Variants in CRHR1 observed in about 807,000 individuals in gnomAD.
CRHR1 encodes corticotropin-releasing hormone receptor 1.
Under a neutral mutation model 56.0 loss-of-function variants are expected in CRHR1, and 28 were observed. That is an observed-to-expected ratio of 0.50 (90% confidence interval 0.37 to 0.69). The LOEUF is 0.69. Among genes scored for constraint, CRHR1 ranks in the 30% least tolerant of loss-of-function variants. CRHR1 has a pLI of 0.00. For synonymous variants in CRHR1, 195 were observed against 216.5 expected (o/e 0.90, Z 0.87); for missense variants, 376 against 548.0 (o/e 0.69, Z 3.13).
intron 1 of CRHR1, chr17:45,800,778 G>A (rs2061607403): frequency 6.6e-6 from 1 of 152,230 alleles, no homozygotes; most frequent in African/African-American, 2.4e-5. Flanking sequence ...CCCAAGCTGA[G>A]CATCAGTGCT....
At chr17:45,833,677 G>T in intron 10 of CRHR1, 37 bp from the exon 11 acceptor site, 1 of 1,602,220 alleles carries the variant, frequency 6.2e-7, no homozygotes, top group Non-Finnish European at 8.5e-7. Context: ...CCTGGGGTGG[G>T]CTGTGACTCC....
At chr17:45,788,473 G>T (rs2061373163) in intron 1 of CRHR1, among the ~76,000 whole-genome samples, 1 of 152,214 alleles carries the variant, frequency 6.6e-6, no homozygotes. Context: ...CCCCTTCCCA[G>T]CTCTGCTCAA....
chr17:45,807,067 G>A lies in CRHR1; in HGVS notation c.91G>A (p.Glu31Lys), dbSNP rs759607266. Residue 31 changes from glutamate to lysine, a missense_variant, in exon 2 of 13, where the codon GAG becomes AAG. Around this residue, in one of 2 missense-constraint regions of CRHR1, gnomAD observed 369 missense variants for 519.5 expected, o/e 0.71. Coordinates refer to ENST00000314537, the MANE Select transcript of CRHR1 (RefSeq NM_004382.5). ...VSASLQDQHCESLSLASNISG... is the reference protein window; with the variant it reads ...VSASLQDQHCKSLSLASNISG... ...TGCCTCCCTCCAGGACCAGCACTGCGAGAGCCTGTCCCTGGCCAGCAACAT... is the reference window on the plus strand; with the variant it reads ...TGCCTCCCTCCAGGACCAGCACTGCAAGAGCCTGTCCCTGGCCAGCAACAT... 7 of 1,614,046 alleles carry A rather than the reference G, an allele frequency of 4.3e-6. No homozygotes were observed. Among genetic ancestry groups the A allele is most frequent in the South Asian group, 2.2e-5 (2 of 91,072 alleles).
At chr17:45,810,623 C>T (rs1433362213) in intron 2 of CRHR1, among the ~76,000 whole-genome samples, 2 of 152,230 alleles carry the variant, frequency 1.3e-5, no homozygotes, top group South Asian at 4.1e-4. Flanking sequence ...TGCAGTTTTC[C>T]GTACCCACAC....
intron 1 of CRHR1, among the ~76,000 whole-genome samples, chr17:45,806,117 G>A (rs2061713763): frequency 6.6e-6 from 1 of 152,188 alleles, no homozygotes; most frequent in Admixed American, 6.5e-5. Context: ...CGTAACGGGG[G>A]GCTAGACACT....
intron 1 of CRHR1, among the ~76,000 whole-genome samples, chr17:45,803,212 A>G (rs747451490): frequency 1.8e-3 from 279 of 152,270 alleles, no homozygotes; most frequent in Non-Finnish European, 3.3e-3. Context: ...ATACTGGGAG[A>G]TAATAAGTAA....
chr17:45,823,542 C>T (rs1568061515), intron 4 of CRHR1, among the ~76,000 whole-genome samples: 2 of 151,522 alleles, frequency 1.3e-5, no homozygotes, highest in Non-Finnish European at 2.9e-5. Context: ...TGAGTAGCTG[C>T]GATTACAGGA....
At chr17:45,832,994 C>G in intron 8 of CRHR1, 144 bp from the exon 9 acceptor site, 4 of 724,376 alleles carry the variant, frequency 5.5e-6, no homozygotes, top group Non-Finnish European at 1.0e-5. Context: ...GATCAAGTGA[C>G]TTGACCTTCT....
At position 45,784,370 on chromosome 17, in the gene CRHR1, G is replaced by T; in HGVS notation, c.-175G>T. 1 of 380,704 alleles carries T rather than the reference G, an allele frequency of 2.6e-6. No homozygotes were observed. The highest frequency in any genetic ancestry group is 1.2e-4 in the South Asian group (1 of 8,340). The allele number at this position is 380,704 out of a possible 1,614,324, so 23.6% of individuals were successfully genotyped here. A position where few individuals can be genotyped will look rare whatever the true frequency, so the allele number is the denominator to read the frequency against. Reference sequence around the variant, plus strand: ...GGAAGGGGCGAGCGAGAGCCGGGCCGGGCCGGGCCGGGCCGCGGGGCCGGG... The same window carrying T: ...GGAAGGGGCGAGCGAGAGCCGGGCCTGGCCGGGCCGGGCCGCGGGGCCGGG... On this transcript the variant is annotated 5_prime_UTR_variant, in exon 1 of 13. Coordinates refer to ENST00000314537, the MANE Select transcript of CRHR1 (RefSeq NM_004382.5). The surrounding 1 kb of genome is among the most constrained non-coding windows in gnomAD (Gnocchi z 4.2).
chr17:45,810,448 C>T (rs2061800663), intron 2 of CRHR1, among the ~76,000 whole-genome samples: 1 of 152,038 alleles, frequency 6.6e-6, no homozygotes, highest in Non-Finnish European at 1.5e-5. Context: ...AGAAGTTAAA[C>T]GAGTTGCCCA....
Position 45,834,911 on chromosome 17 carries a change from G to T in CRHR1, c.*147G>T. ...CTGGCACTGACAGCCTGGGGGGGCC[G>T]CTCTCCCCCTGCAGCCGTGCAGGAC... On this transcript the variant is annotated 3_prime_UTR_variant, in exon 13 of 13. Coordinates refer to ENST00000314537, the MANE Select transcript of CRHR1 (RefSeq NM_004382.5). 1.8e-6 allele frequency: 2 copies of T among 1,089,830 alleles called. No homozygotes were observed. Among genetic ancestry groups the T allele is most frequent in the Non-Finnish European group, 2.6e-6 (2 of 763,242 alleles). The allele number at this position is 1,089,830 out of a possible 1,614,324, so 67.5% of individuals were successfully genotyped here.
chr17:45,800,077 C>T (rs1434102432), intron 1 of CRHR1, among the ~76,000 whole-genome samples: 2 of 152,232 alleles, frequency 1.3e-5, no homozygotes, highest in Non-Finnish European at 2.9e-5. Context: ...CCATGGTCCC[C>T]CTGCCCTCAG....
chr17:45,797,373 C>T (rs1451681717), intron 1 of CRHR1, among the ~76,000 whole-genome samples: 7 of 145,558 alleles, frequency 4.8e-5, no homozygotes, highest in Non-Finnish European at 7.4e-5. Flanking sequence ...TCACTGCAAG[C>T]TCCGCCTCCC....
intron 2 of CRHR1, among the ~76,000 whole-genome samples, chr17:45,813,316 C>T (rs1478779252): frequency 1.3e-5 from 2 of 152,114 alleles, no homozygotes; most frequent in African/African-American, 4.8e-5. Flanking sequence ...CCAACCCCCC[C>T]ACCCCAAGCC....
At chr17:45,808,820 A>T (rs2061766929) in intron 2 of CRHR1, among the ~76,000 whole-genome samples, 1 of 152,034 alleles carries the variant, frequency 6.6e-6, no homozygotes, top group South Asian at 2.1e-4. Flanking sequence ...CCTAATTTTT[A>T]AAATTGTTTT....
chr17:45,816,105 C>T (rs775640012), intron 2 of CRHR1, among the ~76,000 whole-genome samples: 15 of 152,134 alleles, frequency 9.9e-5, no homozygotes, highest in Non-Finnish European at 2.2e-4. Flanking sequence ...TGTCACCATG[C>T]GAGGGACCAA....
At chr17:45,833,572 G>A in intron 10 of CRHR1, 35 bp downstream of exon 10, 1 of 1,605,336 alleles carries the variant, frequency 6.2e-7, no homozygotes, top group Non-Finnish European at 8.5e-7. Flanking sequence ...GCCTCCCCCT[G>A]ATGAAACCCC....
At position 45,784,794 on chromosome 17, in the gene CRHR1, A is replaced by T. The variant is rs1334670839; in HGVS notation, c.33+217A>T. ...TCAGGTGAGAAAAGAAATCGTGGCG[A>T]AGCCGCCGGGATGTTGGCGGAGGAG... On this transcript the variant is annotated intron_variant, in intron 1 of 12. Coordinates refer to ENST00000314537, the MANE Select transcript of CRHR1 (RefSeq NM_004382.5). This position sits in a 1 kb window ranked among gnomAD's most constrained non-coding sequence, Gnocchi z 4.2. 6.6e-6 allele frequency among the ~76,000 whole-genome samples: 1 copy of T among 152,016 alleles called. No homozygotes were observed. Among genetic ancestry groups the T allele is most frequent in the East Asian group, 1.9e-4 (1 of 5,136 alleles).
intron 10 of CRHR1, 21 bp from the exon 11 acceptor site, chr17:45,833,693 T>TCGC: frequency 3.2e-6 from 5 of 1,571,606 alleles, no homozygotes; most frequent in Non-Finnish European, 4.3e-6. Context: ...ACTCCGAGCC[T>TCGC]CCCCACCCGC....
Sources: allele counts gnomAD v4.1 joint callset (sites outside exome capture counted in the v4.1 genomes callset), GRCh38; gene constraint gnomAD v4.1.1; regional missense constraint gnomAD v4.1.1; non-coding constraint Gnocchi (gnomAD v3.1); transcripts MANE v1.5; gene names NCBI Gene and HGNC (gene_info 2026-07-23, HGNC 2026-07-21).